The following SAMD3 variants were observed in gnomAD, a reference collection of about 807,000 sequenced individuals.
SAMD3 encodes the protein sterile alpha motif domain containing 3.
In SAMD3, 63 loss-of-function variants were observed where a neutral mutation model predicts 58.5. That is an observed-to-expected ratio of 1.08 (90% confidence interval 0.88 to 1.33). The LOEUF (loss-of-function observed/expected upper bound fraction) is 1.33. Ranked by LOEUF, SAMD3 falls within the 40% of genes most tolerant of loss-of-function variation. The pLI, the probability that SAMD3 is intolerant of heterozygous loss-of-function variation, is 0.00. For missense variants in SAMD3, 604 were observed against 608.4 expected, an observed-to-expected ratio of 0.99 and a Z score of 0.08; for synonymous variants, 220 against 210.3, an observed-to-expected ratio of 1.05 and a Z score of -0.40.
At chr6:130,206,854 G>A (rs1261178300) in intron 5 of SAMD3, among the ~76,000 whole-genome samples, 1 of 152,138 alleles carries the variant, frequency 6.6e-6, no homozygotes, top group East Asian at 1.9e-4. Flanking sequence ...GTCCTTTGAT[G>A]AGCCATGTGA....
chr6:130,208,003 G>A lies in SAMD3; in HGVS notation c.383+1492C>T, dbSNP rs550282454. ...TGCCCTCAGTCCCCTGAGCTCTCAC[G>A]CTGAGGGTGGCTAGGTCCTGTGCTG... On this transcript the variant is annotated intron_variant, in intron 5 of 11. Coordinates refer to ENST00000439090, the MANE Select transcript of SAMD3 (RefSeq NM_001017373.4). Among the ~76,000 whole-genome samples, 3 of 152,356 alleles carry A rather than the reference G, an allele frequency of 2.0e-5. No homozygotes were observed. The East Asian group carries it at 5.8e-4, about 29-fold the overall frequency.
intron 1 of SAMD3, among the ~76,000 whole-genome samples, chr6:130,219,831 T>C (rs1796144771): frequency 6.6e-6 from 1 of 152,202 alleles, no homozygotes; most frequent in Admixed American, 6.5e-5. Context: ...TAATTTCCTA[T>C]GGCTTAAGTT....
chr6:130,282,921 A>G (rs1313856131), intron 2 of SAMD3, among the ~76,000 whole-genome samples: 1 of 152,234 alleles, frequency 6.6e-6, no homozygotes, highest in Non-Finnish European at 1.5e-5. Flanking sequence ...CTATTCAGCA[A>G]CAATTTATAA....
At chr6:130,193,707 G>T (rs955442594) in intron 5 of SAMD3, among the ~76,000 whole-genome samples, 1 of 152,050 alleles carries the variant, frequency 6.6e-6, no homozygotes, top group Admixed American at 6.6e-5. Flanking sequence ...CTGCAATGCC[G>T]CTTGACCCCA....
chr6:130,334,576 A>G (rs1413984816), intron 1 of SAMD3, among the ~76,000 whole-genome samples: 1 of 152,226 alleles, frequency 6.6e-6, no homozygotes, highest in African/African-American at 2.4e-5. Context: ...ATCTTGGGCA[A>G]GTTATACAGT....
intron 2 of SAMD3, among the ~76,000 whole-genome samples, chr6:130,302,818 C>A (rs1775798166): frequency 6.6e-6 from 1 of 151,984 alleles, no homozygotes; most frequent in Non-Finnish European, 1.5e-5. Context: ...AACTAATGCA[C>A]AAACAGAAAA....
chr6:130,174,071 G>A (rs1791498446), intron 8 of SAMD3, among the ~76,000 whole-genome samples: 1 of 152,252 alleles, frequency 6.6e-6, no homozygotes, highest in Non-Finnish European at 1.5e-5. Context: ...CTGCTGTGCT[G>A]GCAGTGAGAA....
At chr6:130,189,148 C>G (rs906352852) in intron 5 of SAMD3, among the ~76,000 whole-genome samples, 1 of 149,842 alleles carries the variant, frequency 6.7e-6, no homozygotes, top group Non-Finnish European at 1.5e-5. Flanking sequence ...CTCTCATTTT[C>G]TAGGAACTGA....
At chr6:130,213,518 G>A (rs993624720) in intron 4 of SAMD3, among the ~76,000 whole-genome samples, 5 of 151,646 alleles carry the variant, frequency 3.3e-5, no homozygotes, top group East Asian at 1.9e-4. Flanking sequence ...AAAAATTAAC[G>A]TAAAAACATA....
At chr6:130,244,009 G>A (rs767366322) in intron 2 of SAMD3, among the ~76,000 whole-genome samples, 1 of 152,166 alleles carries the variant, frequency 6.6e-6, no homozygotes, top group Non-Finnish European at 1.5e-5. Context: ...TTAGATAAAT[G>A]AGTAACAAAA....
At chr6:130,200,206 A>G (rs1162009494) in intron 5 of SAMD3, among the ~76,000 whole-genome samples, 1 of 152,086 alleles carries the variant, frequency 6.6e-6, no homozygotes, top group Non-Finnish European at 1.5e-5. Context: ...TACTACCATG[A>G]CATGCACGTC....
chr6:130,214,364 AGGGCTGCCTTTTTG>A lies in SAMD3; in HGVS notation c.228_241del (p.Lys77GlyfsTer13). 6.2e-7 allele frequency: 1 copy of A among 1,605,428 alleles called. No individual in the cohort carries two copies. Among genetic ancestry groups the A allele is most frequent in the Non-Finnish European group, 8.5e-7 (1 of 1,176,654 alleles). ...TCGAGCTGCTTCTGTTTGCATGACC[AGGGCTGCCTTTTTG>A]GGGTTTTCTGGGGACTTCAGTCCTT... is the stretch of plus-strand genomic sequence containing the variant. On this transcript the variant is annotated frameshift_variant, in exon 4 of 12. Coordinates refer to ENST00000439090, the MANE Select transcript of SAMD3 (RefSeq NM_001017373.4). LOFTEE classifies it high-confidence loss of function.
chr6:130,227,319 A>C (rs780700646), upstream of SAMD3, among the ~76,000 whole-genome samples: 4 of 152,216 alleles, frequency 2.6e-5, no homozygotes, highest in Non-Finnish European at 4.4e-5. Context: ...TTTAAGGCTG[A>C]GTAATATTCC....
intron 2 of SAMD3, among the ~76,000 whole-genome samples, chr6:130,303,165 T>G (rs1242315178): frequency 6.6e-6 from 1 of 152,214 alleles, no homozygotes; most frequent in African/African-American, 2.4e-5. Flanking sequence ...GTACCTTTCC[T>G]GCCTCTATTG....
chr6:130,166,840 A>G (rs571837127), intron 8 of SAMD3, among the ~76,000 whole-genome samples: 18 of 152,334 alleles, frequency 1.2e-4, no homozygotes, highest in African/African-American at 4.1e-4. Flanking sequence ...CTTTATACCT[A>G]TTAGTCTCAG....
At chr6:130,305,088 G>T (rs190887) in intron 2 of SAMD3, among the ~76,000 whole-genome samples, 1 of 151,688 alleles carries the variant, frequency 6.6e-6, no homozygotes, top group African/African-American at 2.4e-5. Context: ...ATGTGCATCA[G>T]CATGCCCTGC....
intron 2 of SAMD3, among the ~76,000 whole-genome samples, chr6:130,294,934 TTTTTTTTTTA>T (rs1775511103): frequency 9.3e-6 from 1 of 107,224 alleles, no homozygotes; most frequent in African/African-American, 3.1e-5. Flanking sequence ...TTTTTTTTTT[TTTTTTTTTTA>T]CGGAGTTTTG....
At chr6:130,250,988 C>T (rs1011215500) in intron 2 of SAMD3, among the ~76,000 whole-genome samples, 7 of 152,140 alleles carry the variant, frequency 4.6e-5, no homozygotes, top group African/African-American at 1.7e-4. Context: ...TATGATAACC[C>T]TGTTTCATCT....
chr6:130,213,346 A>C (rs1795737168), intron 4 of SAMD3, among the ~76,000 whole-genome samples: 1 of 151,782 alleles, frequency 6.6e-6, no homozygotes, highest in Admixed American at 6.6e-5. Context: ...AATTAGTAGA[A>C]TTTCCATTCC....
Sources: gnomAD v4.1 joint callset for allele counts (sites outside exome capture counted in the v4.1 genomes callset) on GRCh38, gnomAD v4.1.1 for gene constraint, MANE v1.5 for transcripts, NCBI Gene and HGNC (gene_info 2026-07-23, HGNC 2026-07-21) for gene names.